The following ATP10D variants were observed in gnomAD, a reference collection of about 807,000 sequenced individuals.
ATP10D encodes the protein phospholipid-transporting ATPase VD.
ATP10D carries 89 observed loss-of-function variants against 144.8 expected under a neutral mutation model. The observed-to-expected ratio is 0.61, with a 90% CI of 0.52 to 0.73. The LOEUF (loss-of-function observed/expected upper bound fraction) is 0.73. Among genes scored for constraint, ATP10D ranks in the 30% least tolerant of loss-of-function variants. The pLI is 0.00. For synonymous variants in ATP10D, 571 were observed against 615.1 expected, an observed-to-expected ratio of 0.93 and a Z score of 1.06; for missense variants, 1,603 against 1,714.8, an observed-to-expected ratio of 0.93 and a Z score of 1.15.
rs1326424670 is a variant in ATP10D at position 47,512,476 on chromosome 4, G to T, written c.-37-28G>T. 5.6e-6 allele frequency: 8 copies of T among 1,420,250 alleles called. No homozygotes were observed. The African/African-American group carries it at 1.1e-4, about 20-fold the overall frequency. 88.0% of individuals were successfully genotyped at this position (1,420,250 alleles called of 1,614,324 possible). On this transcript the variant is annotated intron_variant, in intron 1 of 22. Transcript: ENST00000273859. ...TCTTTGAGACGTTTCAGAAGCTCATGGAAGTGTGGTTTTTGTTTGTTTGCC... is the reference window on the plus strand; with the variant it reads ...TCTTTGAGACGTTTCAGAAGCTCATTGAAGTGTGGTTTTTGTTTGTTTGCC...
At chr4:47,559,873 G>A (rs1719203377) in intron 13 of ATP10D, among the ~76,000 whole-genome samples, 1 of 152,164 alleles carries the variant, frequency 6.6e-6, no homozygotes, top group Admixed American at 6.5e-5. Flanking sequence ...GGTGGTGCAT[G>A]CCTGTAATCC....
intron 1 of ATP10D, among the ~76,000 whole-genome samples, chr4:47,489,951 A>T (rs977773127): frequency 2.6e-5 from 4 of 152,184 alleles, no homozygotes; most frequent in African/African-American, 2.4e-5. Flanking sequence ...AATGAGGAAG[A>T]TGGGTACTAC....
At chr4:47,522,327 G>A (rs548011778) in intron 3 of ATP10D, among the ~76,000 whole-genome samples, 3 of 152,298 alleles carry the variant, frequency 2.0e-5, no homozygotes, top group African/African-American at 7.2e-5. Context: ...TGTGTCTTAT[G>A]CATCTTCAGA....
chr4:47,544,372 A>C (rs181339066), intron 9 of ATP10D, among the ~76,000 whole-genome samples: 2 of 152,312 alleles, frequency 1.3e-5, no homozygotes, highest in East Asian at 3.9e-4. Flanking sequence ...AAACTTCTAA[A>C]GATGTTCAGT....
intron 11 of ATP10D, among the ~76,000 whole-genome samples, chr4:47,556,576 A>T (rs892823948): frequency 1.3e-5 from 2 of 152,224 alleles, no homozygotes; most frequent in African/African-American, 4.8e-5. Context: ...ATGGTATTTC[A>T]AAGTAATGAT....
chr4:47,547,560 T>G (rs1209195100), intron 10 of ATP10D: 1 of 152,204 alleles, frequency 6.6e-6, no homozygotes, highest in African/African-American at 2.4e-5. Context: ...AAAAGTTCAA[T>G]TTCCTTCTTT....
rs551814950 is a variant in ATP10D at position 47,536,301 on chromosome 4, G to A, written c.1016-136G>A. On this transcript the variant is annotated intron_variant, in intron 7 of 22. Coordinates refer to ENST00000273859, the MANE Select transcript of ATP10D (RefSeq NM_020453.4). ...AGAGAATGTATAGCCTTTTGAATTT[G>A]AATTTTGTTTCCAAAAACAAACAGT... is the stretch of plus-strand genomic sequence containing the variant. The A allele has an allele frequency of 8.5e-5, 103 of 1,212,412 alleles. No homozygotes were observed. The African/African-American group carries it at 1.2e-3, about 14-fold the overall frequency. The allele number at this position is 1,212,412 out of a possible 1,614,324, so 75.1% of individuals were successfully genotyped here.
intron 9 of ATP10D, 76 bp downstream of exon 9, chr4:47,537,014 A>G: frequency 1.4e-6 from 2 of 1,480,886 alleles, no homozygotes; most frequent in Non-Finnish European, 1.8e-6. Context: ...TGGATGTCTG[A>G]CAATTCTGAC....
At chr4:47,508,368 A>G (rs921846163) in intron 1 of ATP10D, among the ~76,000 whole-genome samples, 2 of 152,370 alleles carry the variant, frequency 1.3e-5, no homozygotes, top group African/African-American at 4.8e-5. Flanking sequence ...AGCCCAATGT[A>G]TAAGATTCCC....
intron 12 of ATP10D, 106 bp downstream of exon 12, chr4:47,558,379 A>C: frequency 1.4e-6 from 2 of 1,440,482 alleles, no homozygotes; most frequent in Non-Finnish European, 1.9e-6. Flanking sequence ...CTGGGGACTA[A>C]TCACATTTGG....
chr4:47,506,125 A>G (rs1324355701), intron 1 of ATP10D, among the ~76,000 whole-genome samples: 1 of 152,222 alleles, frequency 6.6e-6, no homozygotes, highest in Non-Finnish European at 1.5e-5. Context: ...AATATCTTCT[A>G]GAAAAAATAC....
At chr4:47,580,500 A>T in intron 20 of ATP10D, 22 bp downstream of exon 20, 10 of 1,584,714 alleles carry the variant, frequency 6.3e-6, no homozygotes, top group Non-Finnish European at 8.7e-6. Context: ...TTCACTCAGT[A>T]TATTTGTTAT....
chr4:47,530,334 C>T (rs1483353044), intron 5 of ATP10D, among the ~76,000 whole-genome samples: 1 of 152,014 alleles, frequency 6.6e-6, no homozygotes, highest in East Asian at 1.9e-4. Flanking sequence ...CCTTTGACAC[C>T]TAGTTTGTTG....
rs67386792 is a variant in ATP10D at position 47,509,943 on chromosome 4, G to GGTGT, written c.-37-2524_-37-2521dup. Among the ~76,000 whole-genome samples, 734 of 143,794 alleles carry GGTGT rather than the reference G, an allele frequency of 5.1e-3. 6 individuals are homozygous for GGTGT. Among genetic ancestry groups the GGTGT allele is most frequent in the African/African-American group, 7.8e-3 (298 of 38,294 alleles). The allele number at this position is 143,794 out of a possible 152,430, so 94.3% of individuals were successfully genotyped here. Reference sequence around the variant, plus strand: ...TATTTCATAGAACTTTTGTTTCAGGGGTGTGTGTGTGTGTGTGTGTGTGTG... The same window carrying GGTGT: ...TATTTCATAGAACTTTTGTTTCAGGGGTGTGTGTGTGTGTGTGTGTGTGTGTGTG... On this transcript the variant is annotated intron_variant, in intron 1 of 22. Coordinates refer to ENST00000273859, the MANE Select transcript of ATP10D (RefSeq NM_020453.4).
chr4:47,539,020 A>G (rs1298021718), intron 9 of ATP10D, among the ~76,000 whole-genome samples: 1 of 152,202 alleles, frequency 6.6e-6, no homozygotes, highest in Non-Finnish European at 1.5e-5. Flanking sequence ...ATTTAATCAT[A>G]GCATAGTCAC....
At chr4:47,496,456 T>C (rs1391845311) in intron 1 of ATP10D, among the ~76,000 whole-genome samples, 1 of 152,008 alleles carries the variant, frequency 6.6e-6, no homozygotes, top group Non-Finnish European at 1.5e-5. Flanking sequence ...CGCGCCCGGC[T>C]GTGTAGTGAC....
chr4:47,527,292 CA>C (rs2109414955), intron 5 of ATP10D, among the ~76,000 whole-genome samples: 1 of 152,166 alleles, frequency 6.6e-6, no homozygotes, highest in East Asian at 1.9e-4. Context: ...TCACCATTTA[CA>C]AAAATTAACT....
intron 1 of ATP10D, among the ~76,000 whole-genome samples, chr4:47,504,764 C>T (rs1312973995): frequency 1.3e-5 from 2 of 152,038 alleles, no homozygotes; most frequent in African/African-American, 4.8e-5. Flanking sequence ...GGGGTTTCAC[C>T]GTGTTAGCCA....
Position 47,557,873 on chromosome 4 carries a change from G to A in ATP10D, c.2034G>A (p.Gln678=), listed in dbSNP as rs747732294. The change falls in exon 12 of 23, where the codon CAG becomes CAA. Residue 678 remains glutamine, a synonymous_variant. Transcript: ENST00000273859. ...CACCTGTGGAGGAAGAGGTCTCCCAGGTGTGTGAGAGCCCCCAGTGCTCCA... is the reference window on the plus strand; with the variant it reads ...CACCTGTGGAGGAAGAGGTCTCCCAAGTGTGTGAGAGCCCCCAGTGCTCCA... ...PASPVEEEVS[Q]VCESPQCSSS... The A allele has an allele frequency of 3.5e-5, 57 of 1,614,082 alleles. No homozygotes were observed. The highest frequency in any genetic ancestry group is 2.1e-4 in the African/African-American group (16 of 74,930).
Sources: gnomAD v4.1 joint callset for allele counts (sites outside exome capture counted in the v4.1 genomes callset) on GRCh38, gnomAD v4.1.1 for gene constraint, MANE v1.5 for transcripts, NCBI Gene and HGNC (gene_info 2026-07-23, HGNC 2026-07-21) for gene names.